The following ZNF560 variants were observed in gnomAD, a reference collection of about 807,000 sequenced individuals.
ZNF560 encodes the protein zinc finger protein 560.
In ZNF560, 54 loss-of-function variants were observed where a neutral mutation model predicts 81.8. The observed-to-expected ratio is 0.66, with a 90% CI of 0.53 to 0.83. ZNF560 has a LOEUF of 0.83. ZNF560 is among the 40% of genes least tolerant of loss of function. The pLI, the probability that ZNF560 is intolerant of heterozygous loss-of-function variation, is 0.00. For missense variants in ZNF560, 940 were observed against 932.4 expected, an observed-to-expected ratio of 1.01 and a Z score of -0.11; for synonymous variants, 321 against 317.9, an observed-to-expected ratio of 1.01 and a Z score of -0.10.
At chr19:9,480,891 G>A (rs979740517) in intron 2 of ZNF560, among the ~76,000 whole-genome samples, 4 of 152,050 alleles carry the variant, frequency 2.6e-5, no homozygotes, top group African/African-American at 9.7e-5. Flanking sequence ...TTCGAGACCA[G>A]CCTAGGCAAC....
intron 7 of ZNF560, among the ~76,000 whole-genome samples, chr19:9,470,114 A>G (rs577822452): frequency 6.6e-6 from 1 of 152,304 alleles, no homozygotes; most frequent in Admixed American, 6.5e-5. Context: ...CAGGGCCCCA[A>G]CAGCAGACTT....
In ZNF560 at chr19:9,467,125, C is replaced by G; in HGVS notation, c.1822G>C (p.Ala608Pro). ...GTAAGATCTGAGCGTTCTGTGAAGG[C>G]TTTTCCACATTTCTTACATTCATAT... ...KPYECKKCGK[A>P]FTERSDLTKH... The change falls in exon 10 of 10, where the codon GCC becomes CCC. Residue 608 changes from alanine to proline, a missense_variant. By Grantham distance (27) the Ala-to-Pro change is conservative. Coordinates refer to ENST00000301480, the MANE Select transcript of ZNF560 (RefSeq NM_152476.3). The G allele has an allele frequency of 6.2e-7, 1 of 1,613,950 alleles. No homozygotes were observed. Among genetic ancestry groups the G allele is most frequent in the Non-Finnish European group, 8.5e-7 (1 of 1,179,994 alleles).
the ZNF560 span, among the ~76,000 whole-genome samples, chr19:9,451,041 T>C: frequency 1.1e-4 from 16 of 152,136 alleles, no homozygotes; most frequent in Non-Finnish European, 2.2e-4. Flanking sequence ...AAAATGGCCA[T>C]AGTGCCTAAA....
the ZNF560 span, among the ~76,000 whole-genome samples, chr19:9,456,054 A>G: frequency 6.6e-6 from 1 of 152,184 alleles, no homozygotes; most frequent in African/African-American, 2.4e-5. Flanking sequence ...AAAGACGGAA[A>G]CCCGATTTCG....
At chr19:9,446,636 AG>A in the ZNF560 span, among the ~76,000 whole-genome samples, 387 of 152,312 alleles carry the variant, frequency 2.5e-3, 2 homozygotes, top group African/African-American at 9.1e-3. Flanking sequence ...ATGCAATGTC[AG>A]TCAACTGTAT....
chr19:9,455,733 G>A, the ZNF560 span, among the ~76,000 whole-genome samples: 1 of 152,184 alleles, frequency 6.6e-6, no homozygotes, highest in Non-Finnish European at 1.5e-5. Flanking sequence ...GTGCCAGGCT[G>A]CTCTGTGACC....
At chr19:9,456,512 C>T in the ZNF560 span, among the ~76,000 whole-genome samples, 3 of 152,078 alleles carry the variant, frequency 2.0e-5, no homozygotes, top group Non-Finnish European at 2.9e-5. Flanking sequence ...CAAGGGAGAG[C>T]CACCTACTGG....
chr19:9,477,630 C>T (rs773162179), intron 2 of ZNF560, among the ~76,000 whole-genome samples: 2 of 152,198 alleles, frequency 1.3e-5, no homozygotes, highest in Admixed American at 6.5e-5. Flanking sequence ...GAGCAGCAAT[C>T]GCAAATCAGA....
At chr19:9,483,382 C>G (rs2073326987) in intron 2 of ZNF560, among the ~76,000 whole-genome samples, 1 of 151,044 alleles carries the variant, frequency 6.6e-6, no homozygotes, top group Admixed American at 6.6e-5. Context: ...AGCCCCTCCG[C>G]CCAGCAGCCG....
upstream of ZNF560, among the ~76,000 whole-genome samples, chr19:9,501,301 C>G (rs1267381005): frequency 6.7e-6 from 1 of 148,782 alleles, no homozygotes; most frequent in East Asian, 2.0e-4. Context: ...GCTAGGACCA[C>G]AGACGCATCA....
chr19:9,474,751 T>G lies in ZNF560; in HGVS notation c.31-426A>C, dbSNP rs182898156. The stretch of plus-strand genomic sequence containing the variant: ...ATGGCTCACTGCAGCCTTGACTTAC[T>G]GGGCTCAAGTGATCGTCCTGCCTCA... On this transcript the variant is annotated intron_variant, in intron 3 of 9. Coordinates refer to ENST00000301480, the MANE Select transcript of ZNF560 (RefSeq NM_152476.3). 6.6e-3 allele frequency among the ~76,000 whole-genome samples: 998 copies of G among 151,520 alleles called. 9 individuals are homozygous for G. Among genetic ancestry groups the G allele is most frequent in the Non-Finnish European group, 8.1e-3 (549 of 67,904 alleles).
At chr19:9,491,077 T>C (rs2073465157) in intron 2 of ZNF560, among the ~76,000 whole-genome samples, 1 of 152,128 alleles carries the variant, frequency 6.6e-6, no homozygotes, top group Non-Finnish European at 1.5e-5. Context: ...AAGTAGAGGA[T>C]GGGAGATTCA....
intron 2 of ZNF560, among the ~76,000 whole-genome samples, chr19:9,480,984 T>C (rs1319758254): frequency 6.7e-5 from 10 of 150,106 alleles, no homozygotes; most frequent in Non-Finnish European, 1.5e-4. Flanking sequence ...TTCAGGAGGC[T>C]GAGGTAGGAG....
chr19:9,466,790 T>A lies in ZNF560; in HGVS notation c.2157A>T (p.Lys719Asn), dbSNP rs140170249. The A allele has an allele frequency of 1.2e-6, 2 of 1,614,032 alleles. No homozygotes were observed. Among genetic ancestry groups the A allele is most frequent in the Non-Finnish European group, 1.7e-6 (2 of 1,180,018 alleles). ...IKPYKCKDCG[K>N]AFTCHSDLTN... Reference sequence around the variant, plus strand: ...TAAGATCTGAATGACAAGTGAAGGCTTTCCCACAGTCCTTACATTTATAGG... The same window carrying A: ...TAAGATCTGAATGACAAGTGAAGGCATTCCCACAGTCCTTACATTTATAGG... Residue 719 changes from lysine to asparagine, a missense_variant, in exon 10 of 10, where the codon AAA becomes AAT. Coordinates refer to ENST00000301480, the MANE Select transcript of ZNF560 (RefSeq NM_152476.3).
the ZNF560 span, among the ~76,000 whole-genome samples, chr19:9,448,395 CT>C: frequency 3.1e-3 from 274 of 89,790 alleles, 7 homozygotes; most frequent in Middle Eastern, 6.9e-3. Flanking sequence ...CCATGCCTGG[CT>C]TTTTTTTTTT....
At chr19:9,449,535 T>C in the ZNF560 span, among the ~76,000 whole-genome samples, 2 of 151,948 alleles carry the variant, frequency 1.3e-5, no homozygotes, top group South Asian at 4.2e-4. Context: ...CTAAAACACC[T>C]ACAGCAAAAA....
At chr19:9,473,527 G>A (rs1257288419) in intron 4 of ZNF560, among the ~76,000 whole-genome samples, 6 of 151,286 alleles carry the variant, frequency 4.0e-5, no homozygotes, top group African/African-American at 9.7e-5. Flanking sequence ...GCAGTGAGCC[G>A]AGATCATGCC....
chr19:9,503,222 A>AAAT (rs146418682), upstream of ZNF560, among the ~76,000 whole-genome samples: 3 of 152,028 alleles, frequency 2.0e-5, no homozygotes, highest in African/African-American at 7.2e-5. Context: ...ACCTTGTCTC[A>AAAT]AATAATAATA....
At chr19:9,487,109 C>T (rs1000846661) in intron 2 of ZNF560, among the ~76,000 whole-genome samples, 4 of 150,386 alleles carry the variant, frequency 2.7e-5, no homozygotes, top group Non-Finnish European at 4.4e-5. Flanking sequence ...CACCTCCAGC[C>T]AATGAAGACA....
Sources: gnomAD v4.1 joint callset for allele counts (sites outside exome capture counted in the v4.1 genomes callset) on GRCh38, gnomAD v4.1.1 for gene constraint, MANE v1.5 for transcripts, NCBI Gene and HGNC (gene_info 2026-07-23, HGNC 2026-07-21) for gene names.